PRKG1: variants seen among roughly 807,000 people sequenced by gnomAD.
The protein encoded by PRKG1 is protein kinase cGMP-dependent 1, also known as cGMP-dependent protein kinase 1.
In PRKG1, 35 loss-of-function variants were observed where a neutral mutation model predicts 88.1. That is an observed-to-expected ratio of 0.40 (90% CI 0.30 to 0.53). The LOEUF (loss-of-function observed/expected upper bound fraction) is 0.53. Among genes scored for constraint, PRKG1 ranks in the 20% least tolerant of loss-of-function variants. The pLI, the probability that PRKG1 is intolerant of heterozygous loss-of-function variation, is 0.59. For missense variants in PRKG1, 540 were observed against 839.8 expected (o/e 0.64, Z 4.41); for synonymous variants, 303 against 292.5 (o/e 1.04, Z -0.37).
chr10:51,080,326 A>T (rs1844074992), intron 1 of PRKG1, among the ~76,000 whole-genome samples: 1 of 152,226 alleles, frequency 6.6e-6, no homozygotes, highest in Non-Finnish European at 1.5e-5. Context: ...CTACTGGGTC[A>T]CATTTCCAAG....
chr10:52,068,686 C>T (rs1235899918), intron 7 of PRKG1, among the ~76,000 whole-genome samples: 1 of 152,114 alleles, frequency 6.6e-6, no homozygotes, highest in Admixed American at 6.5e-5. Flanking sequence ...TCATCTTCAT[C>T]ATCATCATCA....
At chr10:52,164,726 G>A (rs1186173596) in intron 9 of PRKG1, among the ~76,000 whole-genome samples, 1 of 152,096 alleles carries the variant, frequency 6.6e-6, no homozygotes, top group Non-Finnish European at 1.5e-5. Flanking sequence ...TTATAATATA[G>A]CCATTATGTT....
chr10:51,444,353 C>T (rs1588964027), intron 2 of PRKG1, among the ~76,000 whole-genome samples: 1 of 151,570 alleles, frequency 6.6e-6, no homozygotes, highest in Non-Finnish European at 1.5e-5. Context: ...GAAATGATAG[C>T]CACGGCCTAA....
chr10:51,441,906 G>T (rs1022433862), intron 2 of PRKG1, among the ~76,000 whole-genome samples: 2 of 151,564 alleles, frequency 1.3e-5, no homozygotes, highest in Non-Finnish European at 1.5e-5. Context: ...TCTGATTCTT[G>T]CCTCTAAGCT....
chr10:52,260,996 T>C (rs937727296), intron 10 of PRKG1, among the ~76,000 whole-genome samples: 2 of 151,620 alleles, frequency 1.3e-5, no homozygotes, highest in Non-Finnish European at 2.9e-5. Flanking sequence ...AAATAAGAAA[T>C]TATAAATATT....
chr10:52,031,590 G>A (rs975996448), intron 5 of PRKG1, among the ~76,000 whole-genome samples: 2 of 152,086 alleles, frequency 1.3e-5, no homozygotes, highest in African/African-American at 2.4e-5. Flanking sequence ...TTAAAATAGT[G>A]CAAAACAAGC....
At chr10:52,113,637 C>T (rs1047854679) in intron 7 of PRKG1, among the ~76,000 whole-genome samples, 5 of 152,166 alleles carry the variant, frequency 3.3e-5, no homozygotes, top group African/African-American at 9.6e-5. Context: ...ACAGCTGTGA[C>T]TGTCTGGTAG....
chr10:52,019,424 G>C (rs1414537071), intron 5 of PRKG1, among the ~76,000 whole-genome samples: 1 of 152,142 alleles, frequency 6.6e-6, no homozygotes, highest in Non-Finnish European at 1.5e-5. Flanking sequence ...TTGTAAAACT[G>C]GTTACAGGCT....
At chr10:51,351,779 G>A (rs1406380609) in intron 2 of PRKG1, among the ~76,000 whole-genome samples, 2 of 152,106 alleles carry the variant, frequency 1.3e-5, no homozygotes, top group Non-Finnish European at 2.9e-5. Context: ...GGCTTTTGCT[G>A]CCATTGCTTT....
Position 52,259,194 on chromosome 10 carries a change from A to G in PRKG1, c.1173+7528A>G, listed in dbSNP as rs149132637. Among the ~76,000 whole-genome samples, 59 of 152,046 alleles carry G rather than the reference A, an allele frequency of 3.9e-4. 1 individual carries two copies. The highest frequency in any genetic ancestry group is 4.4e-5 in the Non-Finnish European group (3 of 67,976). Reference sequence around the variant, plus strand: ...AACACAGACTCTGCTCTGAACTTCTATCTATGACATGAAAGAATGCACTAT... The same window carrying G: ...AACACAGACTCTGCTCTGAACTTCTGTCTATGACATGAAAGAATGCACTAT... On this transcript the variant is annotated intron_variant, in intron 10 of 17. Coordinates refer to ENST00000373980, the MANE Select transcript of PRKG1 (RefSeq NM_006258.4).
At chr10:51,926,324 T>G (rs12266848) in intron 5 of PRKG1, among the ~76,000 whole-genome samples, 3,384 of 152,130 alleles carry the variant, frequency 0.022, 142 homozygotes, top group African/African-American at 0.077. Flanking sequence ...GAGTGTAAGT[T>G]TGGAAATAGA....
intron 4 of PRKG1, among the ~76,000 whole-genome samples, chr10:51,834,270 T>A (rs1379655486): frequency 1.3e-5 from 2 of 152,112 alleles, no homozygotes; most frequent in Non-Finnish European, 1.5e-5. Context: ...TAAAATATTT[T>A]AAAAATAAAT....
intron 2 of PRKG1, among the ~76,000 whole-genome samples, chr10:51,177,519 C>T (rs1187625464): frequency 6.6e-6 from 1 of 152,110 alleles, no homozygotes; most frequent in African/African-American, 2.4e-5. Context: ...CACATCACAT[C>T]CTCTTTTTCT....
At chr10:51,404,692 T>C (rs190461257) in intron 2 of PRKG1, among the ~76,000 whole-genome samples, 2 of 152,344 alleles carry the variant, frequency 1.3e-5, no homozygotes, top group Admixed American at 6.5e-5. Context: ...GCCAATTAAA[T>C]GTACTTGGAA....
intron 1 of PRKG1, among the ~76,000 whole-genome samples, chr10:51,049,026 A>G (rs1030447835): frequency 8.5e-5 from 13 of 152,102 alleles, no homozygotes; most frequent in Non-Finnish European, 1.8e-4. Flanking sequence ...GGCGTTGCTC[A>G]TGAACCAAGC....
chr10:52,097,168 G>T (rs143958845), intron 7 of PRKG1, among the ~76,000 whole-genome samples: 39 of 152,100 alleles, frequency 2.6e-4, no homozygotes, highest in African/African-American at 8.7e-4. Context: ...TAGATCCAGG[G>T]GTCCCTCCCA....
intron 3 of PRKG1, among the ~76,000 whole-genome samples, chr10:51,509,505 G>A (rs1235917366): frequency 6.6e-6 from 1 of 152,154 alleles, no homozygotes; most frequent in Non-Finnish European, 1.5e-5. Context: ...TGGTAGCAGA[G>A]GTTATAAAAT....
chr10:51,898,065 T>C (rs1413537640), intron 4 of PRKG1, among the ~76,000 whole-genome samples: 1 of 152,104 alleles, frequency 6.6e-6, no homozygotes, highest in Non-Finnish European at 1.5e-5. Flanking sequence ...CACTCTGACC[T>C]CTTTGCTACT....
At chr10:51,963,056 A>G (rs74132864) in intron 5 of PRKG1, among the ~76,000 whole-genome samples, 2,583 of 152,148 alleles carry the variant, frequency 0.017, 85 homozygotes, top group African/African-American at 0.059. Flanking sequence ...CTGCTTATTT[A>G]TTTTATGTTT....
Sources: gnomAD v4.1 joint callset for allele counts (sites outside exome capture counted in the v4.1 genomes callset) on GRCh38, gnomAD v4.1.1 for gene constraint, MANE v1.5 for transcripts, NCBI Gene and HGNC (gene_info 2026-07-23, HGNC 2026-07-21) for gene names.